Variants in PYHIN1 observed in about 807,000 individuals in gnomAD.
PYHIN1 encodes pyrin and HIN domain family member 1.
Under a neutral mutation model 43.7 loss-of-function variants are expected in PYHIN1, and 32 were observed. The ratio of observed to expected loss-of-function variants is 0.73; its 90% CI spans 0.55 to 0.98. The LOEUF (loss-of-function observed/expected upper bound fraction) is 0.98. PYHIN1 is among the 50% of genes least tolerant of loss of function. The probability of loss-of-function intolerance (pLI) is 0.00; values close to 1 mark genes in which losing one functional copy is unlikely to be tolerated. For synonymous variants in PYHIN1, 205 were observed against 203.1 expected (o/e 1.01, Z -0.08); for missense variants, 588 against 589.5 (o/e 1.00, Z 0.03).
intron 8 of PYHIN1, among the ~76,000 whole-genome samples, chr1:158,975,763 G>A (rs1408435019): frequency 6.6e-6 from 1 of 151,958 alleles, no homozygotes; most frequent in African/African-American, 2.4e-5. Context: ...CTTAAACTTG[G>A]GTAATTTTGG....
At position 158,938,506 on chromosome 1, in the gene PYHIN1, C is replaced by T. The variant is rs971604199; in HGVS notation, c.375C>T (p.Leu125=). The T allele has an allele frequency of 6.2e-7, 1 of 1,614,220 alleles. No individual in the cohort carries two copies. The highest frequency in any genetic ancestry group is 8.5e-7 in the Non-Finnish European group (1 of 1,180,042). The change falls in exon 3 of 9, where the codon CTC becomes CTT. Residue 125 remains leucine (L), a synonymous_variant. Coordinates refer to ENST00000368140, the MANE Select transcript of PYHIN1 (RefSeq NM_152501.5). ...ATPACTPSNR[L]TAKGAEETLG... is the part of the protein sequence containing the mutation. The stretch of plus-strand genomic sequence containing the variant: ...CTGCATGCACCCCAAGCAACCGTCT[C>T]ACAGCTAAAGGAGCAGAGGAGACTC...
the PYHIN1 span, among the ~76,000 whole-genome samples, chr1:158,982,550 G>C: frequency 6.6e-6 from 1 of 152,106 alleles, no homozygotes; most frequent in East Asian, 1.9e-4. Flanking sequence ...TAACTTTGTA[G>C]TATAGTTTGA....
the PYHIN1 span, among the ~76,000 whole-genome samples, chr1:158,987,499 T>G: frequency 1.3e-5 from 2 of 152,190 alleles, no homozygotes; most frequent in African/African-American, 4.8e-5. Flanking sequence ...GGTTGTCTTC[T>G]CATATTCTTG....
chr1:158,980,855 C>A (rs1651461885), downstream of PYHIN1, among the ~76,000 whole-genome samples: 1 of 152,078 alleles, frequency 6.6e-6, no homozygotes, highest in African/African-American at 2.4e-5. Context: ...AGCATGTTAT[C>A]TTTGTACCTA....
In PYHIN1 at chr1:158,953,200, T is replaced by TG. The variant is rs1178691281; in HGVS notation, c.1359+8158_1359+8159insG. On this transcript the variant is annotated intron_variant, in intron 7 of 8. Coordinates refer to ENST00000368140, the MANE Select transcript of PYHIN1 (RefSeq NM_152501.5). ...AGGGGCGCCCGCCATTGCCCAGGCT[T>TG]ATTAGGTAAACAAAGCAGCCAGGAA... is the stretch of plus-strand genomic sequence containing the variant. Among the ~76,000 whole-genome samples, 12 of 17,536 alleles carry TG rather than the reference T, an allele frequency of 6.8e-4. No individual in the cohort carries two copies. In the Non-Finnish European group the frequency reaches 0.012, roughly 17 times the overall value. The allele number at this position is 17,536 out of a possible 152,430, so 11.5% of individuals were successfully genotyped here.
At position 158,960,829 on chromosome 1, in the gene PYHIN1, A is replaced by G. The variant is rs527299211; in HGVS notation, c.1360-12818A>G. Among the ~76,000 whole-genome samples, 3 of 152,352 alleles carry G rather than the reference A, an allele frequency of 2.0e-5. No individual in the cohort carries two copies. In the South Asian group the frequency reaches 6.2e-4, roughly 32 times the overall value. On this transcript the variant is annotated intron_variant, in intron 7 of 8. Transcript: ENST00000368140. ...AAAATACTAGTCAACCAGAGTATATATTTTCTCATCTAAATTCCACCATTG... is the reference window on the plus strand; with the variant it reads ...AAAATACTAGTCAACCAGAGTATATGTTTTCTCATCTAAATTCCACCATTG...
the PYHIN1 span, among the ~76,000 whole-genome samples, chr1:158,983,544 A>T: frequency 6.6e-6 from 1 of 150,994 alleles, no homozygotes; most frequent in Non-Finnish European, 1.5e-5. Flanking sequence ...GTTTGCTAGT[A>T]TTTTTTTTTG....
chr1:158,962,489 G>C (rs1022314687), intron 7 of PYHIN1, among the ~76,000 whole-genome samples: 2 of 152,096 alleles, frequency 1.3e-5, no homozygotes, highest in African/African-American at 4.8e-5. Flanking sequence ...CTCCTCACTG[G>C]GTGGGGCCTT....
In PYHIN1 at chr1:158,976,684, T is replaced by C; in HGVS notation, c.*6-17T>C. 6.3e-7 allele frequency: 1 copy of C among 1,581,458 alleles called. No individual in the cohort carries two copies. On this transcript the variant is annotated splice_polypyrimidine_tract_variant and intron_variant, in intron 8 of 8. Transcript: ENST00000368140. ...CTGCATCTCAACGGGTTTATTTTTA[T>C]CTCTTTATGCTTCAAGGTCACCAAG... is the stretch of plus-strand genomic sequence containing the variant.
intron 4 of PYHIN1, among the ~76,000 whole-genome samples, chr1:158,940,518 A>G (rs544234619): frequency 6.6e-6 from 1 of 152,260 alleles, no homozygotes; most frequent in East Asian, 1.9e-4. Flanking sequence ...ACTCATCTCA[A>G]ATTTGGACAG....
At chr1:158,974,412 C>G (rs1651128948) in intron 8 of PYHIN1, among the ~76,000 whole-genome samples, 1 of 152,020 alleles carries the variant, frequency 6.6e-6, no homozygotes, top group Non-Finnish European at 1.5e-5. Context: ...ATAATAAGTA[C>G]AGTTTATAGA....
At chr1:158,944,763 A>T (rs1649127420) in intron 6 of PYHIN1, 112 bp from the exon 7 acceptor site, 1 of 772,580 alleles carries the variant, frequency 1.3e-6, no homozygotes, top group African/African-American at 1.8e-5. Flanking sequence ...GCAATCTTTG[A>T]AGGTAATGAC....
At chr1:158,949,889 T>A in intron 7 of PYHIN1, among the ~76,000 whole-genome samples, 1 of 152,232 alleles carries the variant, frequency 6.6e-6, no homozygotes, top group East Asian at 1.9e-4. Flanking sequence ...TGCCTGCAGC[T>A]AAGACTGTTA....
At chr1:158,956,610 A>C (rs1351173635) in intron 7 of PYHIN1, among the ~76,000 whole-genome samples, 1 of 151,830 alleles carries the variant, frequency 6.6e-6, no homozygotes, top group Non-Finnish European at 1.5e-5. Context: ...ATTTCAAAAT[A>C]ATAAGAGCTA....
In PYHIN1 at chr1:158,938,103, GATAGA is replaced by G. The variant is rs1322648718; in HGVS notation, c.266-289_266-285del. Among the ~76,000 whole-genome samples the G allele has an allele frequency of 2.6e-5, 4 of 152,326 alleles. No homozygotes were observed. In the East Asian group the frequency reaches 7.7e-4, roughly 29 times the overall value. On this transcript the variant is annotated intron_variant, in intron 2 of 8. Transcript: ENST00000368140. ...AGAACCTTACATTTTAAAAGGAAAT[GATAGA>G]ATAGGATTGGGAAAGGGTTTGACTG... is the stretch of plus-strand genomic sequence containing the variant.
chr1:158,937,569 A>G (rs1313252342), intron 2 of PYHIN1, among the ~76,000 whole-genome samples: 1 of 152,230 alleles, frequency 6.6e-6, no homozygotes, highest in African/African-American at 2.4e-5. Context: ...TTTATAATAC[A>G]AAAGATAACA....
chr1:158,987,048 T>C, the PYHIN1 span, among the ~76,000 whole-genome samples: 1 of 152,234 alleles, frequency 6.6e-6, no homozygotes, highest in Non-Finnish European at 1.5e-5. Context: ...GGTTACAATT[T>C]CTCAACATCC....
chr1:158,958,655 T>C (rs1650119684), intron 7 of PYHIN1, among the ~76,000 whole-genome samples: 1 of 149,556 alleles, frequency 6.7e-6, no homozygotes, highest in Admixed American at 6.7e-5. Flanking sequence ...TACCTAATGG[T>C]AGATGACGAG....
intron 7 of PYHIN1, among the ~76,000 whole-genome samples, chr1:158,952,598 G>T (rs185848702): frequency 6.6e-6 from 1 of 152,252 alleles, no homozygotes; most frequent in Non-Finnish European, 1.5e-5. Context: ...AAGTGGTAAG[G>T]CAGGTGATGG....
Sources: allele counts gnomAD v4.1 joint callset (sites outside exome capture counted in the v4.1 genomes callset), GRCh38; gene constraint gnomAD v4.1.1; transcripts MANE v1.5; gene names NCBI Gene and HGNC (gene_info 2026-07-23, HGNC 2026-07-21).